The following CNTN1 variants were observed in gnomAD, a reference collection of about 807,000 sequenced individuals.
CNTN1 encodes the protein contactin-1.
A neutral mutation model predicts 126.4 loss-of-function variants in CNTN1; 38 were observed. That is an observed-to-expected ratio of 0.30 (90% CI 0.23 to 0.39). The LOEUF (loss-of-function observed/expected upper bound fraction) is 0.39, where lower values mean the gene tolerates loss of function less well. Among genes scored for constraint, CNTN1 ranks in the 10% least tolerant of loss-of-function variants. CNTN1 has a pLI of 1.00. For missense variants in CNTN1, 1,009 were observed against 1,248.4 expected, an observed-to-expected ratio of 0.81 and a Z score of 2.89; for synonymous variants, 413 against 422.6, an observed-to-expected ratio of 0.98 and a Z score of 0.28.
At chr12:40,734,233 C>A (rs544285841) in intron 1 of CNTN1, among the ~76,000 whole-genome samples, 2 of 152,178 alleles carry the variant, frequency 1.3e-5, no homozygotes, top group African/African-American at 4.8e-5. Flanking sequence ...ATGATTAGGC[C>A]AAGTTCTCTA....
intron 1 of CNTN1, among the ~76,000 whole-genome samples, chr12:40,871,165 G>A (rs1314489424): frequency 1.5e-5 from 2 of 137,022 alleles, no homozygotes; most frequent in African/African-American, 5.2e-5. Context: ...TCCCTAAGTA[G>A]TGACTTGGAT....
In CNTN1 at chr12:41,005,706, A is replaced by G. The variant is rs116932580; in HGVS notation, c.2114-8522A>G. Among the ~76,000 whole-genome samples, 446 of 152,108 alleles carry G rather than the reference A, an allele frequency of 2.9e-3. 3 individuals are homozygous for G. Among genetic ancestry groups the G allele is most frequent in the Non-Finnish European group, 5.5e-3 (372 of 67,978 alleles). ...TGAGATTATTTCCTCTGCTTGGTCT[A>G]TTCTGCTGTTGATACTTGTGATTGC... On this transcript the variant is annotated intron_variant, in intron 17 of 23. Transcript: ENST00000551295.
intron 1 of CNTN1, among the ~76,000 whole-genome samples, chr12:40,886,034 A>T (rs1944016969): frequency 6.6e-6 from 1 of 152,040 alleles, no homozygotes; most frequent in South Asian, 2.1e-4. Flanking sequence ...AGTTTAGTTT[A>T]TATTTATCTT....
chr12:40,804,659 T>A (rs893185505), intron 1 of CNTN1, among the ~76,000 whole-genome samples: 1 of 151,940 alleles, frequency 6.6e-6, no homozygotes, highest in Admixed American at 6.6e-5. Context: ...ATTCAGGTTA[T>A]AGGGTCTTCA....
At chr12:41,021,385 C>A (rs1948906405) in intron 20 of CNTN1, among the ~76,000 whole-genome samples, 1 of 151,854 alleles carries the variant, frequency 6.6e-6, no homozygotes, top group South Asian at 2.1e-4. Flanking sequence ...AGCTTCAGCA[C>A]CCTCCCTTAT....
chr12:40,863,122 A>G (rs1464918890), intron 1 of CNTN1, among the ~76,000 whole-genome samples: 1 of 152,162 alleles, frequency 6.6e-6, no homozygotes, highest in Non-Finnish European at 1.5e-5. Flanking sequence ...GGACCTTGAT[A>G]TTTTATGAAT....
At chr12:40,861,913 T>C (rs1278702356) in intron 1 of CNTN1, among the ~76,000 whole-genome samples, 1 of 152,148 alleles carries the variant, frequency 6.6e-6, no homozygotes, top group African/African-American at 2.4e-5. Flanking sequence ...ATATTGTTAC[T>C]ATTTTTGTTC....
chr12:40,797,919 T>C (rs1596520), intron 1 of CNTN1, among the ~76,000 whole-genome samples: 143,259 of 152,024 alleles, frequency 0.94, 68,070 homozygotes, highest in East Asian at 1. Context: ...TCCCATTTTA[T>C]GGGAAATGTC....
chr12:40,821,639 A>G (rs1363447992), intron 1 of CNTN1, among the ~76,000 whole-genome samples: 1 of 152,182 alleles, frequency 6.6e-6, no homozygotes, highest in Non-Finnish European at 1.5e-5. Flanking sequence ...GGGCATTTTA[A>G]TGGAACCAGA....
Position 40,697,656 on chromosome 12 carries a change from T to A in CNTN1, c.-77+5064T>A, listed in dbSNP as rs193092157. Among the ~76,000 whole-genome samples the A allele has an allele frequency of 1.3e-4, 20 of 152,340 alleles. No homozygotes were observed. In the East Asian group the frequency reaches 3.9e-3, roughly 29 times the overall value. On this transcript the variant is annotated intron_variant, in intron 1 of 23. Transcript: ENST00000551295. ...ATATAAAAACAACATGTGACGGTGCTATTGCTGAACTTCTTTCCTCCTTTG... is the reference window on the plus strand; with the variant it reads ...ATATAAAAACAACATGTGACGGTGCAATTGCTGAACTTCTTTCCTCCTTTG...
At chr12:40,830,767 TGA>T (rs1303652026) in intron 1 of CNTN1, among the ~76,000 whole-genome samples, 1 of 85,844 alleles carries the variant, frequency 1.2e-5, no homozygotes, top group South Asian at 3.9e-4. Context: ...CTATATATAT[TGA>T]GAGAGAGGGA....
chr12:40,866,985 C>T (rs971578231), intron 1 of CNTN1, among the ~76,000 whole-genome samples: 17 of 150,998 alleles, frequency 1.1e-4, no homozygotes, highest in South Asian at 6.2e-4. Flanking sequence ...TTGCCCCAAT[C>T]CCAAATGCCA....
rs934305451 is a variant in CNTN1, at chr12:41,016,647, A to G, written c.2185-35A>G. 8 of 1,377,538 alleles carry G rather than the reference A, an allele frequency of 5.8e-6. No individual in the cohort carries two copies. The African/African-American group carries it at 1.1e-4, about 20-fold the overall frequency. 85.3% of individuals were successfully genotyped at this position (1,377,538 alleles called of 1,614,324 possible). On this transcript the variant is annotated intron_variant, in intron 18 of 23. Transcript: ENST00000551295. ...GCATTTCCTCCCTGTTACCTGTATT[A>G]CTAAAACCTACTCAATCTTTTAATT... is the stretch of plus-strand genomic sequence containing the variant.
At chr12:40,984,084 G>C (rs1271712492) in intron 16 of CNTN1, among the ~76,000 whole-genome samples, 1 of 148,726 alleles carries the variant, frequency 6.7e-6, no homozygotes, top group Non-Finnish European at 1.5e-5. Flanking sequence ...AGCTATCTAG[G>C]GGAAACACTT....
In CNTN1 at chr12:41,070,950, G is replaced by A. The variant is rs1158023615; in HGVS notation, c.*915G>A. On this transcript the variant is annotated 3_prime_UTR_variant, in exon 24 of 24. Transcript: ENST00000551295. ...ATGGTTAGGAATAAGTGACAGTTAA[G>A]TGAATATCACAATTACTAGTATGTT... 1 of 151,972 alleles carries A rather than the reference G, an allele frequency of 6.6e-6. No homozygotes were observed. Among genetic ancestry groups the A allele is most frequent in the Non-Finnish European group, 1.5e-5 (1 of 67,990 alleles). 9.4% of individuals were successfully genotyped at this position (151,972 alleles called of 1,614,324 possible).
At chr12:40,959,330 T>C (rs1017138074) in intron 15 of CNTN1, 96 bp downstream of exon 15, 1 of 1,312,438 alleles carries the variant, frequency 7.6e-7, no homozygotes, top group Non-Finnish European at 1.1e-6. Context: ...AATTCTTACA[T>C]ATTTAGAGTC....
chr12:40,768,756 A>G (rs1797379120), intron 1 of CNTN1, among the ~76,000 whole-genome samples: 1 of 152,188 alleles, frequency 6.6e-6, no homozygotes, highest in African/African-American at 2.4e-5. Flanking sequence ...TGAAAGGCTG[A>G]CTTCTCTGAA....
chr12:40,963,134 A>C (rs1947166337), intron 15 of CNTN1, among the ~76,000 whole-genome samples: 1 of 152,086 alleles, frequency 6.6e-6, no homozygotes, highest in South Asian at 2.1e-4. Flanking sequence ...AAAAATGAAA[A>C]TTGATGGCCA....
chr12:40,708,043 C>T (rs569878020), intron 1 of CNTN1, among the ~76,000 whole-genome samples: 16 of 152,082 alleles, frequency 1.1e-4, no homozygotes, highest in African/African-American at 3.9e-4. Flanking sequence ...TATTATGATC[C>T]AGAATTTTGA....
Sources: allele counts gnomAD v4.1 joint callset (sites outside exome capture counted in the v4.1 genomes callset), GRCh38; gene constraint gnomAD v4.1.1; transcripts MANE v1.5; gene names NCBI Gene and HGNC (gene_info 2026-07-23, HGNC 2026-07-21).